The following MRNIP variants were observed in gnomAD, a reference collection of about 807,000 sequenced individuals.
The protein encoded by MRNIP is MRN complex-interacting protein.
Under a neutral mutation model 29.8 loss-of-function variants are expected in MRNIP, and 30 were observed. The ratio of observed to expected loss-of-function variants is 1.01; its 90% CI spans 0.75 to 1.36. The LOEUF (loss-of-function observed/expected upper bound fraction) is 1.36, where lower values mean the gene tolerates loss of function less well. MRNIP is among the 40% of genes most tolerant of loss of function. The probability of loss-of-function intolerance (pLI) is 0.00; values close to 1 mark genes in which losing one functional copy is unlikely to be tolerated. For synonymous variants in MRNIP, 201 were observed against 164.1 expected (o/e 1.23, Z -1.72); for missense variants, 459 against 423.5 (o/e 1.08, Z -0.74).
At chr5:179,847,917 C>A in intron 3 of MRNIP, 61 bp downstream of exon 3, 1 of 1,135,162 alleles carries the variant, frequency 8.8e-7, no homozygotes, top group Non-Finnish European at 1.3e-6. Context: ...CTGTGTACTT[C>A]TATTATCCAG....
At chr5:179,842,506 C>T (rs545558216) in intron 4 of MRNIP, among the ~76,000 whole-genome samples, 4 of 148,830 alleles carry the variant, frequency 2.7e-5, no homozygotes, top group Non-Finnish European at 5.9e-5. Context: ...CGGTGAAACC[C>T]CGTCTCTACT....
Position 179,837,366 on chromosome 5 carries a change from C to A in MRNIP, c.*25G>T. 1 of 1,580,916 alleles carries A rather than the reference C, an allele frequency of 6.3e-7. No individual in the cohort carries two copies. Among genetic ancestry groups the A allele is most frequent in the Non-Finnish European group, 8.6e-7 (1 of 1,162,564 alleles). On this transcript the variant is annotated 3_prime_UTR_variant, in exon 7 of 7. Transcript: ENST00000292586. ...CCTGTCCCTCCTAACAAGTGTATCTCGATTAATAACCTGCCAGTCCCAGAT... is the reference window on the plus strand; with the variant it reads ...CCTGTCCCTCCTAACAAGTGTATCTAGATTAATAACCTGCCAGTCCCAGAT...
At chr5:179,841,093 G>A (rs1758865323) in intron 5 of MRNIP, 134 bp from the exon 6 acceptor site, 1 of 622,786 alleles carries the variant, frequency 1.6e-6, no homozygotes, top group African/African-American at 1.8e-5. Context: ...GCTGCTCAGG[G>A]TGTCCAGCCA....
chr5:179,851,556 G>C, intron 2 of MRNIP: 2 of 420,554 alleles, frequency 4.8e-6, no homozygotes, highest in South Asian at 3.3e-5. Flanking sequence ...GTTTTTCAAG[G>C]GACCGGGGAT....
In MRNIP at chr5:179,858,773, C is replaced by A. The variant is rs1301705147; in HGVS notation, c.24G>T (p.Arg8=). The A allele has an allele frequency of 2.7e-5, 42 of 1,541,036 alleles. No individual in the cohort carries two copies. Among genetic ancestry groups the A allele is most frequent in the Non-Finnish European group, 3.6e-5 (41 of 1,143,860 alleles). Residue 8 remains arginine, a synonymous_variant, in exon 1 of 7, where the codon CGG becomes CGT. Transcript: ENST00000292586. MASLQRS[R]VLRCCSCRLF... is the part of the protein sequence containing the mutation. ...GGCGGCAGCTGCAGCAGCGTAGCAC[C>A]CGAGAACGCTGAAGCGACGCCATCC...
intron 6 of MRNIP, 135 bp from the exon 7 acceptor site, chr5:179,838,020 G>A (rs1758689232): frequency 3.7e-6 from 3 of 818,682 alleles, no homozygotes; most frequent in Middle Eastern, 3.7e-4. Flanking sequence ...GCTGGGACAG[G>A]CTTTGATTTT....
intron 2 of MRNIP, among the ~76,000 whole-genome samples, chr5:179,851,704 C>CA (rs1248593054): frequency 6.6e-6 from 1 of 152,024 alleles, no homozygotes; most frequent in Non-Finnish European, 1.5e-5. Flanking sequence ...ATCAGCCAGG[C>CA]ACGGTGGCTC....
intron 2 of MRNIP, among the ~76,000 whole-genome samples, chr5:179,852,748 C>T (rs1019554261): frequency 1.3e-5 from 2 of 152,086 alleles, no homozygotes; most frequent in East Asian, 3.9e-4. Flanking sequence ...GGGGCTGGAG[C>T]AGGAAAAGAG....
At position 179,843,055 on chromosome 5, in the gene MRNIP, AAGGAAGGG is replaced by A. The variant is rs1186216264; in HGVS notation, c.292-999_292-992del. Among the ~76,000 whole-genome samples, 627 of 121,744 alleles carry A rather than the reference AAGGAAGGG, an allele frequency of 5.2e-3. 2 individuals are homozygous for A. Among genetic ancestry groups the A allele is most frequent in the Middle Eastern group, 7.8e-3 (2 of 256 alleles). 79.9% of individuals were successfully genotyped at this position (121,744 alleles called of 152,430 possible). A position where few individuals can be genotyped will look rare whatever the true frequency, so the allele number is the denominator to read the frequency against. On this transcript the variant is annotated intron_variant, in intron 4 of 6. Transcript: ENST00000292586. ...GAAAGGAGGAAAGAAGGAAGGAAGG[AAGGAAGGG>A]AGGGAGGGAGGGAGGGAGGCAGGCA...
intron 6 of MRNIP, chr5:179,840,499 A>C: frequency 7.8e-6 from 3 of 386,590 alleles, no homozygotes; most frequent in Non-Finnish European, 1.4e-5. Flanking sequence ...TGTGGAGGGA[A>C]GCATCTCCCA....
At chr5:179,843,029 CGAAAG>C (rs1242083003) in intron 4 of MRNIP, among the ~76,000 whole-genome samples, 1 of 70,250 alleles carries the variant, frequency 1.4e-5, no homozygotes, top group African/African-American at 8.3e-5. Flanking sequence ...GAGACTCTGT[CGAAAG>C]GAGGAAAGAA....
intron 1 of MRNIP, among the ~76,000 whole-genome samples, chr5:179,856,225 GTTT>G (rs1759573300): frequency 1.3e-5 from 2 of 151,924 alleles, no homozygotes; most frequent in African/African-American, 4.8e-5. Flanking sequence ...CTTTTTAAAA[GTTT>G]AGGACTCACA....
intron 1 of MRNIP, among the ~76,000 whole-genome samples, chr5:179,857,146 G>T (rs1161879860): frequency 1.3e-5 from 2 of 151,386 alleles, no homozygotes; most frequent in African/African-American, 4.8e-5. Context: ...AGTGAAACAG[G>T]AAAACAAACA....
Position 179,853,136 on chromosome 5 carries a change from T to C in MRNIP, c.126+242A>G, listed in dbSNP as rs1466037446. 2.1e-5 allele frequency: 24 copies of C among 1,166,040 alleles called. No homozygotes were observed. In the East Asian group the frequency reaches 5.6e-4, roughly 27 times the overall value. The allele number at this position is 1,166,040 out of a possible 1,614,324, so 72.2% of individuals were successfully genotyped here. ...GGCTTACTTTCCACTGTTCCCCTTGTGCTTGGCACACAGAAAGTACTCAAG... is the reference window on the plus strand; with the variant it reads ...GGCTTACTTTCCACTGTTCCCCTTGCGCTTGGCACACAGAAAGTACTCAAG... On this transcript the variant is annotated intron_variant, in intron 2 of 6. Coordinates refer to ENST00000292586, the MANE Select transcript of MRNIP (RefSeq NM_016175.4).
chr5:179,856,201 C>A (rs912967828), intron 1 of MRNIP, among the ~76,000 whole-genome samples: 1 of 151,942 alleles, frequency 6.6e-6, no homozygotes, highest in Non-Finnish European at 1.5e-5. Flanking sequence ...CCACCGCACC[C>A]GGCCAAGAAA....
At chr5:179,851,798 G>A (rs1284648149) in intron 2 of MRNIP, among the ~76,000 whole-genome samples, 2 of 152,092 alleles carry the variant, frequency 1.3e-5, no homozygotes, top group South Asian at 2.1e-4. Context: ...CTAACATGGT[G>A]AAACCCCATC....
intron 4 of MRNIP, 123 bp from the exon 5 acceptor site, chr5:179,842,187 G>A (rs1758909426): frequency 2.1e-6 from 2 of 951,554 alleles, no homozygotes; most frequent in African/African-American, 1.6e-5. Context: ...CTCTAGGAAA[G>A]GCACCGGCTG....
intron 2 of MRNIP, among the ~76,000 whole-genome samples, chr5:179,850,506 A>T (rs1000785792): frequency 4.6e-5 from 7 of 152,226 alleles, no homozygotes; most frequent in African/African-American, 1.7e-4. Context: ...GTGGACTCCC[A>T]GTGCCTGGCA....
chr5:179,851,442 G>A (rs904240414), intron 2 of MRNIP: 15 of 455,936 alleles, frequency 3.3e-5, no homozygotes, highest in Non-Finnish European at 6.6e-5. Flanking sequence ...GAAACAGAAA[G>A]GGAAGGAGAG....
Sources: gnomAD v4.1 joint callset for allele counts (sites outside exome capture counted in the v4.1 genomes callset) on GRCh38, gnomAD v4.1.1 for gene constraint, MANE v1.5 for transcripts, NCBI Gene and HGNC (gene_info 2026-07-23, HGNC 2026-07-21) for gene names.